Variants in SPRED3 observed in about 807,000 individuals in gnomAD.
SPRED3 encodes the protein sprouty related EVH1 domain containing 3, also known as sprouty-related, EVH1 domain-containing protein 3.
A neutral mutation model predicts 37.6 loss-of-function variants in SPRED3; 23 were observed. The ratio of observed to expected loss-of-function variants is 0.61; its 90% CI spans 0.44 to 0.87. The LOEUF is 0.87. SPRED3 is among the 40% of genes least tolerant of loss of function. SPRED3 has a pLI of 0.00. For missense variants in SPRED3, 584 were observed against 618.6 expected (o/e 0.94, Z 0.59); for synonymous variants, 302 against 279.6 (o/e 1.08, Z -0.80).
chr19:38,399,582 G>A lies in SPRED3; in HGVS notation c.*3437G>A, dbSNP rs1391301132. 1 of 152,192 alleles carries A rather than the reference G, an allele frequency of 6.6e-6. No individual in the cohort carries two copies. 9.4% of individuals were successfully genotyped at this position (152,192 alleles called of 1,614,324 possible). A position where few individuals can be genotyped will look rare whatever the true frequency, so the allele number is the denominator to read the frequency against. On this transcript the variant is annotated 3_prime_UTR_variant, in exon 6 of 6. Transcript: ENST00000691638. ...TGCTCCAAGAAATGTCTGTGACAAA[G>A]TCTCAGCCTGTGTTATTTATTTGCC... is the stretch of plus-strand genomic sequence containing the variant.
At chr19:38,394,396 A>G in intron 4 of SPRED3, 1 of 1,576,168 alleles carries the variant, frequency 6.3e-7, no homozygotes, top group Non-Finnish European at 8.7e-7. Flanking sequence ...TGTGCCCTTG[A>G]CAGTGGCCCT....
rs755705584 is a variant in SPRED3 at position 38,392,276 on chromosome 19, C to T, written c.411C>T (p.Pro137=). The T allele has an allele frequency of 3.2e-6, 5 of 1,568,694 alleles. No individual in the cohort carries two copies. In the Admixed American group the frequency reaches 5.8e-5, roughly 18 times the overall value. Residue 137 remains proline (P), a synonymous_variant, in exon 4 of 6, where the codon CCC becomes CCT. Coordinates refer to ENST00000691638, the MANE Select transcript of SPRED3 (RefSeq NM_001394336.1). ...CTTCCCAGGATACTGCAGAGACCCC[C>T]TGCCCTCTGACGGTGAGTGTCCAGG... is the stretch of plus-strand genomic sequence containing the variant. ...SSPSQDTAET[P]CPLTSHVDSD... is the part of the protein sequence containing the mutation.
intron 4 of SPRED3, among the ~76,000 whole-genome samples, chr19:38,393,024 G>A (rs1253752058): frequency 6.6e-6 from 1 of 152,154 alleles, no homozygotes; most frequent in Non-Finnish European, 1.5e-5. Flanking sequence ...ATGTGGCCCT[G>A]TGTGTCTGGC....
At chr19:38,394,828 T>C (rs1362077325) in intron 5 of SPRED3, 42 bp downstream of exon 5, 2 of 1,500,556 alleles carry the variant, frequency 1.3e-6, no homozygotes, top group Non-Finnish European at 1.8e-6. Context: ...AATGGGGCGG[T>C]GCACTCGGGG....
chr19:38,392,133 G>C lies in SPRED3; in HGVS notation c.346+19G>C. 6.2e-7 allele frequency: 1 copy of C among 1,612,978 alleles called. No individual in the cohort carries two copies. The highest frequency in any genetic ancestry group is 1.1e-5 in the South Asian group (1 of 91,076). Reference sequence around the variant, plus strand: ...GGTCGAGGTGAGCAGCCCAGGTGATGTGCACTGTGGGCTGGCCTGGGAGCG... The same window carrying C: ...GGTCGAGGTGAGCAGCCCAGGTGATCTGCACTGTGGGCTGGCCTGGGAGCG... On this transcript the variant is annotated intron_variant, in intron 3 of 5. Coordinates refer to ENST00000691638, the MANE Select transcript of SPRED3 (RefSeq NM_001394336.1).
At position 38,397,146 on chromosome 19, in the gene SPRED3, G is replaced by A. The variant is rs1487698435; in HGVS notation, c.*1001G>A. 1.3e-5 allele frequency: 2 copies of A among 152,142 alleles called. No homozygotes were observed. The highest frequency in any genetic ancestry group is 2.1e-4 in the South Asian group (1 of 4,824). 9.4% of individuals were successfully genotyped at this position (152,142 alleles called of 1,614,324 possible). A position where few individuals can be genotyped will look rare whatever the true frequency, so the allele number is the denominator to read the frequency against. ...GAAGGCCACCAACACCTCAGGACCCGAGATACTGGTCTCGAGTTCTCAAAT... is the reference window on the plus strand; with the variant it reads ...GAAGGCCACCAACACCTCAGGACCCAAGATACTGGTCTCGAGTTCTCAAAT... On this transcript the variant is annotated 3_prime_UTR_variant, in exon 6 of 6. Coordinates refer to ENST00000691638, the MANE Select transcript of SPRED3 (RefSeq NM_001394336.1).
intron 1 of SPRED3, among the ~76,000 whole-genome samples, chr19:38,389,900 A>C (rs943053083): frequency 1.4e-5 from 2 of 146,982 alleles, no homozygotes; most frequent in Non-Finnish European, 3.0e-5. Flanking sequence ...ATATATGCGC[A>C]GGCACCCAGC....
chr19:38,394,683 A>G lies in SPRED3; in HGVS notation c.464A>G (p.Gln155Arg), dbSNP rs898725875. Residue 155 changes from glutamine to arginine, a missense_variant, in exon 5 of 6, where the codon CAG (glutamine) becomes CGG (arginine). Physicochemically the swap from Gln to Arg is conservative, Grantham distance 43. This residue lies in a region of SPRED3 where 310 missense variants were observed against 281.1 expected (regional missense o/e 1.10). Transcript: ENST00000691638. ...DSDSSSSHSR[Q>R]ETPPSAAAAP... is the part of the protein sequence containing the mutation. Reference sequence around the variant, plus strand: ...GACTCCTCCTCCAGTCACAGCCGCCAGGAGACTCCTCCCAGCGCCGCTGCG... The same window carrying G: ...GACTCCTCCTCCAGTCACAGCCGCCGGGAGACTCCTCCCAGCGCCGCTGCG... The G allele has an allele frequency of 5.0e-6, 8 of 1,599,332 alleles. No homozygotes were observed. The highest frequency in any genetic ancestry group is 5.1e-6 in the Non-Finnish European group (6 of 1,176,056).
rs1159976840 is a variant in SPRED3, at chr19:38,399,194, C to T, written c.*3049C>T. ...AGCGGTGGGGGCTAAGGAAAGGTCC[C>T]CTGGCCGCCACTTCCCAGCAGCGCC... On this transcript the variant is annotated 3_prime_UTR_variant, in exon 6 of 6. Coordinates refer to ENST00000691638, the MANE Select transcript of SPRED3 (RefSeq NM_001394336.1). 1.3e-5 allele frequency: 2 copies of T among 152,478 alleles called. No homozygotes were observed. The highest frequency in any genetic ancestry group is 2.9e-5 in the Non-Finnish European group (2 of 68,322). The allele number at this position is 152,478 out of a possible 1,614,324, so 9.4% of individuals were successfully genotyped here.
intron 2 of SPRED3, among the ~76,000 whole-genome samples, chr19:38,391,393 G>A (rs1970831299): frequency 6.6e-6 from 1 of 151,924 alleles, no homozygotes; most frequent in Non-Finnish European, 1.5e-5. Flanking sequence ...TATCAGAAGA[G>A]GATTCACAAT....
intron 2 of SPRED3, among the ~76,000 whole-genome samples, chr19:38,391,162 G>A (rs1970828028): frequency 6.6e-6 from 1 of 151,830 alleles, no homozygotes; most frequent in African/African-American, 2.4e-5. Flanking sequence ...GTGTTGGCTA[G>A]CATCTGAAGG....
Position 38,390,335 on chromosome 19 carries a change from A to T in SPRED3, c.33A>T (p.Arg11=). The T allele has an allele frequency of 7.3e-7, 1 of 1,364,770 alleles. No individual in the cohort carries two copies. Among genetic ancestry groups the T allele is most frequent in the Non-Finnish European group, 9.5e-7 (1 of 1,051,810 alleles). The allele number at this position is 1,364,770 out of a possible 1,614,324, so 84.5% of individuals were successfully genotyped here. The part of the protein sequence containing the change: MVRVRAVVMA[R]DDSSGGWLPV... Reference sequence around the variant, plus strand: ...GGGTCCGAGCTGTGGTGATGGCCCGAGATGACTCCAGTGGGGGCTGGCTGC... The same window carrying T: ...GGGTCCGAGCTGTGGTGATGGCCCGTGATGACTCCAGTGGGGGCTGGCTGC... The change falls in exon 2 of 6, where the codon CGA becomes CGT. Residue 11 remains arginine (R), a synonymous_variant. Coordinates refer to ENST00000691638, the MANE Select transcript of SPRED3 (RefSeq NM_001394336.1).
intron 1 of SPRED3, 187 bp from the exon 2 acceptor site, chr19:38,390,112 A>C: frequency 4.7e-6 from 2 of 428,148 alleles, no homozygotes; most frequent in Non-Finnish European, 4.1e-6. Flanking sequence ...GGCATGAGGA[A>C]GAAAGGAGCT....
rs564814930 is a variant in SPRED3, at chr19:38,399,061, C to G, written c.*2916C>G. The G allele has an allele frequency of 6.6e-6, 1 of 152,618 alleles. No homozygotes were observed. The highest frequency in any genetic ancestry group is 1.5e-5 in the Non-Finnish European group (1 of 68,280). The allele number at this position is 152,618 out of a possible 1,614,324, so 9.5% of individuals were successfully genotyped here. A position where few individuals can be genotyped will look rare whatever the true frequency, so the allele number is the denominator to read the frequency against. On this transcript the variant is annotated 3_prime_UTR_variant, in exon 6 of 6. Transcript: ENST00000691638. Reference sequence around the variant, plus strand: ...CCCCTCTCTGTGCCTCGGTCTCCCCCCTTCCATGGTGGGCGGGGGGGAAGC... The same window carrying G: ...CCCCTCTCTGTGCCTCGGTCTCCCCGCTTCCATGGTGGGCGGGGGGGAAGC...
In SPRED3 at chr19:38,388,816, C is replaced by T. The variant is rs924944856; in HGVS notation, c.-5+9C>T. The T allele has an allele frequency of 6.5e-5, 26 of 397,558 alleles. No individual in the cohort carries two copies. The highest frequency in any genetic ancestry group is 5.1e-4 in the African/African-American group (25 of 48,574). The allele number at this position is 397,558 out of a possible 1,614,324, so 24.6% of individuals were successfully genotyped here. A position where few individuals can be genotyped will look rare whatever the true frequency, so the allele number is the denominator to read the frequency against. ...CGGCCGGAGCCTCGCAGGCAGGTGC[C>T]GAGGGGGGCGAGGGGGCGGGGGCTG... On this transcript the variant is annotated intron_variant, in intron 1 of 5. Coordinates refer to ENST00000691638, the MANE Select transcript of SPRED3 (RefSeq NM_001394336.1).
At position 38,390,461 on chromosome 19, in the gene SPRED3, A is replaced by ACGCCTC; in HGVS notation, c.162_167dup (p.Leu55_Arg56dup). On this transcript the variant is annotated inframe_insertion, in exon 2 of 6. Transcript: ENST00000691638. ...AGGGGCACTACGTCATCCACGGGGA[A>ACGCCTC]CGCCTCCGGGACCAGAAAGTGAGCC... 2 of 1,305,072 alleles carry ACGCCTC rather than the reference A, an allele frequency of 1.5e-6. No individual in the cohort carries two copies. Among genetic ancestry groups the ACGCCTC allele is most frequent in the Non-Finnish European group, 2.0e-6 (2 of 1,019,038 alleles). 80.8% of individuals were successfully genotyped at this position (1,305,072 alleles called of 1,614,324 possible). A position where few individuals can be genotyped will look rare whatever the true frequency, so the allele number is the denominator to read the frequency against.
Position 38,395,713 on chromosome 19 carries a change from C to T in SPRED3, c.801C>T (p.Pro267=), listed in dbSNP as rs1252040808. 1.4e-6 allele frequency: 2 copies of T among 1,455,422 alleles called. No individual in the cohort carries two copies. Among genetic ancestry groups the T allele is most frequent in the Non-Finnish European group, 1.8e-6 (2 of 1,114,916 alleles). 90.2% of individuals were successfully genotyped at this position (1,455,422 alleles called of 1,614,324 possible). ...CTGCCCCTTTGACCGAGGCTGCGCCCCCAGCGCCCCCCGCTCGCCCACCCC... is the reference window on the plus strand; with the variant it reads ...CTGCCCCTTTGACCGAGGCTGCGCCTCCAGCGCCCCCCGCTCGCCCACCCC... The part of the protein sequence containing the change: ...ALPAPLTEAA[P]PAPPARPPPG... Residue 267 remains proline (P), a synonymous_variant, in exon 6 of 6, where the codon CCC becomes CCT. Transcript: ENST00000691638. This position sits in a 1 kb window ranked among gnomAD's most constrained non-coding sequence, Gnocchi z 5.2.
intron 4 of SPRED3, among the ~76,000 whole-genome samples, chr19:38,392,804 A>G (rs772713502): frequency 2.0e-5 from 3 of 151,948 alleles, no homozygotes; most frequent in Admixed American, 6.6e-5. Context: ...TCTGCCTCCA[A>G]CCTGGTACCA....
chr19:38,393,501 A>G (rs1441848508), intron 4 of SPRED3, among the ~76,000 whole-genome samples: 1 of 151,382 alleles, frequency 6.6e-6, no homozygotes, highest in East Asian at 2.0e-4. Context: ...GCACCCAGCT[A>G]TTTTTTTTGT....
Sources: allele counts gnomAD v4.1 joint callset (sites outside exome capture counted in the v4.1 genomes callset), GRCh38; gene constraint gnomAD v4.1.1; regional missense constraint gnomAD v4.1.1; non-coding constraint Gnocchi (gnomAD v3.1); transcripts MANE v1.5; gene names NCBI Gene and HGNC (gene_info 2026-07-23, HGNC 2026-07-21).